FUT8: variants seen among roughly 807,000 people sequenced by gnomAD.
FUT8 encodes the protein alpha-(1,6)-fucosyltransferase.
A neutral mutation model predicts 71.3 loss-of-function variants in FUT8; 29 were observed. That is an observed-to-expected ratio of 0.41 (90% CI 0.30 to 0.55). FUT8 has a LOEUF of 0.55. FUT8 is among the 20% of genes least tolerant of loss of function. The probability of loss-of-function intolerance (pLI) is 0.34; values close to 1 mark genes in which losing one functional copy is unlikely to be tolerated. For synonymous variants in FUT8, 254 were observed against 239.3 expected, an observed-to-expected ratio of 1.06 and a Z score of -0.57; for missense variants, 544 against 702.1, an observed-to-expected ratio of 0.77 and a Z score of 2.55.
At chr14:65,558,199 G>A (rs111746020) in intron 2 of FUT8, among the ~76,000 whole-genome samples, 14 of 151,886 alleles carry the variant, frequency 9.2e-5, no homozygotes, top group African/African-American at 3.4e-4. Context: ...GGGCGCCACA[G>A]CAGACACCTG....
chr14:65,378,837 G>GTGTTTTT, the FUT8 span, among the ~76,000 whole-genome samples: 1 of 66,830 alleles, frequency 1.5e-5, no homozygotes, highest in Non-Finnish European at 2.7e-5. Flanking sequence ...TCACAAGAAG[G>GTGTTTTT]TTTTTTTTTT....
At chr14:65,690,023 C>T (rs1893495926) in intron 7 of FUT8, among the ~76,000 whole-genome samples, 1 of 152,200 alleles carries the variant, frequency 6.6e-6, no homozygotes, top group Non-Finnish European at 1.5e-5. Flanking sequence ...ATGTTGAGTT[C>T]ATTTTTATGA....
intron 1 of FUT8, among the ~76,000 whole-genome samples, chr14:65,441,811 A>T (rs77761960): frequency 0.11 from 15,385 of 140,600 alleles, 1,221 homozygotes; most frequent in East Asian, 0.38. Context: ...TTTTTTTTTT[A>T]ATTATACTTT....
chr14:65,717,377 G>A (rs1594932406), intron 7 of FUT8, among the ~76,000 whole-genome samples: 1 of 146,376 alleles, frequency 6.8e-6, no homozygotes, highest in East Asian at 2.1e-4. Context: ...AGACGGGGCG[G>A]CCAGGCAGAG....
intron 1 of FUT8, among the ~76,000 whole-genome samples, chr14:65,451,386 C>T (rs986926231): frequency 1.3e-5 from 2 of 152,254 alleles, no homozygotes; most frequent in African/African-American, 2.4e-5. Flanking sequence ...CTGCAGGCCC[C>T]ACAGCAGTGT....
chr14:65,491,447 G>T (rs1380169911), intron 2 of FUT8, among the ~76,000 whole-genome samples: 1 of 152,096 alleles, frequency 6.6e-6, no homozygotes, highest in Non-Finnish European at 1.5e-5. Flanking sequence ...GAAACTTCTG[G>T]TCCTTTTCTC....
intron 5 of FUT8, among the ~76,000 whole-genome samples, chr14:65,620,790 G>A (rs989287490): frequency 3.3e-5 from 5 of 152,068 alleles, no homozygotes; most frequent in Admixed American, 6.6e-5. Flanking sequence ...CTTGAATTTC[G>A]GATTTGTTTC....
chr14:65,677,166 G>A (rs766614219), intron 7 of FUT8, among the ~76,000 whole-genome samples: 14 of 118,730 alleles, frequency 1.2e-4, no homozygotes, highest in South Asian at 5.1e-4. Context: ...GCGCGCATGC[G>A]CGCGCACGTA....
At chr14:65,629,236 A>C (rs576618446) in intron 5 of FUT8, among the ~76,000 whole-genome samples, 127 of 152,348 alleles carry the variant, frequency 8.3e-4, no homozygotes, top group African/African-American at 3.0e-3. Context: ...GTCTGTGTTG[A>C]GAAACAAGTG....
At chr14:65,402,395 G>T in the FUT8 span, among the ~76,000 whole-genome samples, 2 of 151,678 alleles carry the variant, frequency 1.3e-5, no homozygotes, top group East Asian at 1.9e-4. Flanking sequence ...GGGGCTGGGC[G>T]TGGTGGCTCA....
At chr14:65,471,149 T>C (rs2066139046) in intron 2 of FUT8, 1 of 381,368 alleles carries the variant, frequency 2.6e-6, no homozygotes, top group South Asian at 1.9e-5. Context: ...TAATTAGATC[T>C]CAGGACTATA....
the FUT8 span, among the ~76,000 whole-genome samples, chr14:65,400,691 G>A: frequency 1.3e-5 from 2 of 152,110 alleles, no homozygotes; most frequent in South Asian, 2.1e-4. Context: ...TTCAAGACCA[G>A]CCTGGGCAAC....
chr14:65,674,485 A>G (rs1225512874), intron 7 of FUT8, among the ~76,000 whole-genome samples: 1 of 152,202 alleles, frequency 6.6e-6, no homozygotes, highest in Non-Finnish European at 1.5e-5. Context: ...TTCTGAGATG[A>G]AAATCATGCC....
At chr14:65,697,941 A>G (rs901093359) in intron 7 of FUT8, among the ~76,000 whole-genome samples, 4 of 151,968 alleles carry the variant, frequency 2.6e-5, no homozygotes, top group Non-Finnish European at 4.4e-5. Context: ...CGCCATTCTG[A>G]GATCACGTCA....
intron 7 of FUT8, among the ~76,000 whole-genome samples, chr14:65,703,862 A>G (rs1452876977): frequency 2.0e-5 from 3 of 152,226 alleles, no homozygotes; most frequent in East Asian, 1.9e-4. Context: ...CACTTTAGCT[A>G]TGCAATACTA....
intron 9 of FUT8, among the ~76,000 whole-genome samples, chr14:65,727,429 A>G (rs1450966134): frequency 6.6e-6 from 1 of 152,046 alleles, no homozygotes; most frequent in African/African-American, 2.4e-5. Flanking sequence ...CAGGCCCAAC[A>G]CCATGTGGAA....
intron 8 of FUT8, among the ~76,000 whole-genome samples, chr14:65,723,431 A>G (rs531443097): frequency 2.5e-4 from 38 of 152,310 alleles, no homozygotes; most frequent in African/African-American, 3.9e-4. Flanking sequence ...TGTGTCCCCA[A>G]TTTTACAATT....
chr14:65,593,190 G>A (rs1223767967), intron 3 of FUT8, among the ~76,000 whole-genome samples: 1 of 152,070 alleles, frequency 6.6e-6, no homozygotes, highest in Non-Finnish European at 1.5e-5. Context: ...TTGAATCACT[G>A]TAAAACATAA....
chr14:65,688,894 C>T (rs1378485956), intron 7 of FUT8, among the ~76,000 whole-genome samples: 2 of 152,146 alleles, frequency 1.3e-5, no homozygotes, highest in African/African-American at 2.4e-5. Flanking sequence ...TGTTTACCTT[C>T]GCATCGTGGA....
Sources: allele counts gnomAD v4.1 joint callset (sites outside exome capture counted in the v4.1 genomes callset), GRCh38; gene constraint gnomAD v4.1.1; transcripts MANE v1.5; gene names NCBI Gene and HGNC (gene_info 2026-07-23, HGNC 2026-07-21).